Variants in LYST observed in about 807,000 individuals in gnomAD.
LYST encodes lysosomal-trafficking regulator.
Under a neutral mutation model 413.6 loss-of-function variants are expected in LYST, and 192 were observed. That is an observed-to-expected ratio of 0.46 (90% CI 0.41 to 0.52). The LOEUF is 0.52. Among genes scored for constraint, LYST ranks in the 20% least tolerant of loss-of-function variants. The pLI is 0.00. For missense variants in LYST, 3,815 were observed against 4,499.9 expected (o/e 0.85, Z 4.35); for synonymous variants, 1,525 against 1,567.3 (o/e 0.97, Z 0.64).
chr1:235,860,982 G>A (rs550892545), intron 1 of LYST, among the ~76,000 whole-genome samples: 7 of 151,444 alleles, frequency 4.6e-5, no homozygotes, highest in South Asian at 4.2e-4. Context: ...GCTTTTTTTC[G>A]TGCTGTGTAA....
At chr1:235,683,397 C>T (rs377526144) in intron 48 of LYST, among the ~76,000 whole-genome samples, 2 of 152,206 alleles carry the variant, frequency 1.3e-5, no homozygotes, top group Admixed American at 6.5e-5. Flanking sequence ...TTACTTACTT[C>T]GTGACAGAAT....
At chr1:235,697,343 C>G in intron 45 of LYST, 71 bp from the exon 46 acceptor site, 1 of 1,141,138 alleles carries the variant, frequency 8.8e-7, no homozygotes, top group Non-Finnish European at 1.3e-6. Flanking sequence ...CTAATTTAAG[C>G]TCTAAACAAA....
chr1:235,744,233 T>C, intron 29 of LYST, 76 bp from the exon 30 acceptor site: 1 of 775,900 alleles, frequency 1.3e-6, no homozygotes, highest in Non-Finnish European at 2.2e-6. Flanking sequence ...ATAATACTGG[T>C]AAAAAATATT....
At chr1:235,874,262 T>G (rs146918392) in intron 1 of LYST, among the ~76,000 whole-genome samples, 50 of 152,358 alleles carry the variant, frequency 3.3e-4, no homozygotes, top group African/African-American at 1.2e-3. Flanking sequence ...AGGATTGATC[T>G]GTTATTTCAG....
At chr1:235,804,100 T>C (rs1304471359) in intron 7 of LYST, among the ~76,000 whole-genome samples, 3 of 152,080 alleles carry the variant, frequency 2.0e-5, no homozygotes, top group African/African-American at 7.2e-5. Flanking sequence ...TTAATGTGAG[T>C]AGAGAGTTCT....
At chr1:235,668,141 G>A (rs1172079880) in intron 50 of LYST, among the ~76,000 whole-genome samples, 1 of 152,106 alleles carries the variant, frequency 6.6e-6, no homozygotes, top group African/African-American at 2.4e-5. Flanking sequence ...GAGGTTGGTT[G>A]AATCCACGGA....
intron 3 of LYST, among the ~76,000 whole-genome samples, chr1:235,818,968 C>T (rs572227114): frequency 1.3e-5 from 2 of 152,354 alleles, no homozygotes; most frequent in South Asian, 2.1e-4. Flanking sequence ...TCCTCCCACA[C>T]GAACCCAAGA....
Position 235,749,086 on chromosome 1 carries a change from T to C in LYST, c.7780+2124A>G, listed in dbSNP as rs148295905. On this transcript the variant is annotated intron_variant, in intron 28 of 52. Transcript: ENST00000389793. ...AAGGAACAATTCATTACCTAATTGA[T>C]AGACATGACAGAAATAGAAATCCCT... Among the ~76,000 whole-genome samples the C allele has an allele frequency of 9.5e-4, 145 of 152,320 alleles. 1 individual carries two copies. The highest frequency in any genetic ancestry group is 3.4e-3 in the Middle Eastern group (1 of 294).
At chr1:235,727,174 G>C (rs926795054) in intron 38 of LYST, among the ~76,000 whole-genome samples, 6 of 148,340 alleles carry the variant, frequency 4.0e-5, no homozygotes, top group Non-Finnish European at 8.9e-5. Context: ...CCAGGCTGGA[G>C]TGCAGTGGTG....
At chr1:235,879,925 C>T (rs541743557) in intron 1 of LYST, among the ~76,000 whole-genome samples, 4 of 152,164 alleles carry the variant, frequency 2.6e-5, no homozygotes, top group East Asian at 1.9e-4. Flanking sequence ...TTAGTAGAGA[C>T]GGGGTTTCAC....
Position 235,830,254 on chromosome 1 carries a change from AG to A in LYST, c.163del (p.Thr56ProfsTer3), listed in dbSNP as rs1176119758. 1.2e-6 allele frequency: 2 copies of A among 1,613,748 alleles called. No individual in the cohort carries two copies. Among genetic ancestry groups the A allele is most frequent in the Non-Finnish European group, 1.7e-6 (2 of 1,179,780 alleles). ...YLVHGRGFLL[L>X]TKLNSIIDQA... Reference sequence around the variant, plus strand: ...ATCAATTATAGAATTTAGCTTGGTAAGTAATAGAAATCCTCGACCATGGACA... The same window carrying A: ...ATCAATTATAGAATTTAGCTTGGTAATAATAGAAATCCTCGACCATGGACA... On this transcript the variant is annotated frameshift_variant, in exon 3 of 53. Coordinates refer to ENST00000389793, the MANE Select transcript of LYST (RefSeq NM_000081.4). LOFTEE classifies it high-confidence loss of function.
chr1:235,676,501 C>T (rs1659392031), intron 50 of LYST, among the ~76,000 whole-genome samples: 1 of 152,154 alleles, frequency 6.6e-6, no homozygotes, highest in African/African-American at 2.4e-5. Context: ...AAGGAAGTTC[C>T]TTCTGCTTTA....
chr1:235,715,283 G>C lies in LYST; in HGVS notation c.9702C>G (p.Gly3234=). ...PMPPVQPYHY[G]SHYSNSGTVL... is the part of the protein sequence containing the mutation. ...CAGTGCCGCTATTGGAATAGTGGGA[G>C]CCATAGTGATAGGGCTGCACGGGAG... The change falls in exon 42 of 53, where the codon GGC becomes GGG. Residue 3234 remains glycine (G), a synonymous_variant. Transcript: ENST00000389793. 6.2e-7 allele frequency: 1 copy of C among 1,613,944 alleles called. No individual in the cohort carries two copies.
Position 235,753,162 on chromosome 1 carries a change from G to C in LYST, c.7342C>G (p.Leu2448Val), listed in dbSNP as rs1191107458. Residue 2448 changes from leucine to valine, a missense_variant, in exon 26 of 53, where the codon CTT (leucine) becomes GTT (valine). Coordinates refer to ENST00000389793, the MANE Select transcript of LYST (RefSeq NM_000081.4). ...LYDNILLHNA[L>V]LLLLQILNSC... ...TTTAAAATTTGGAGAAGAAGTAAAA[G>C]AGCATTATGCAAGAGTATGTTGTCA... The C allele has an allele frequency of 1.2e-6, 2 of 1,606,872 alleles. No individual in the cohort carries two copies. Among genetic ancestry groups the C allele is most frequent in the Non-Finnish European group, 8.5e-7 (1 of 1,173,706 alleles).
chr1:235,817,215 GA>G (rs367699240), intron 3 of LYST, among the ~76,000 whole-genome samples: 30 of 146,736 alleles, frequency 2.0e-4, no homozygotes, highest in Non-Finnish European at 2.7e-4. Context: ...ATGAAAAAAA[GA>G]AAAAAAAAAC....
intron 1 of LYST, among the ~76,000 whole-genome samples, chr1:235,836,881 C>A (rs911176668): frequency 4.6e-5 from 7 of 152,132 alleles, no homozygotes; most frequent in Admixed American, 2.0e-4. Flanking sequence ...ATTAAGTAAT[C>A]AAGTAGGCAG....
In LYST at chr1:235,759,393, C is replaced by T. The variant is rs746634900; in HGVS notation, c.6460G>A (p.Asp2154Asn). Reference protein sequence around the residue: ...SKKQNSLGSSDTLKKGKEDAF... With the variant: ...SKKQNSLGSSNTLKKGKEDAF... ...TCCTCTTTGCCTTTTTTCAGTGTGT[C>T]GGAACTCCCCAAAGAATTTTGTTTC... Residue 2154 changes from aspartate to asparagine, a missense_variant, in exon 23 of 53, where the codon GAC (aspartate) becomes AAC (asparagine). Transcript: ENST00000389793. 1.1e-4 allele frequency: 174 copies of T among 1,613,962 alleles called. No individual in the cohort carries two copies. The highest frequency in any genetic ancestry group is 1.6e-4 in the Middle Eastern group (1 of 6,084).
intron 31 of LYST, chr1:235,738,413 C>T: frequency 6.2e-7 from 1 of 1,613,392 alleles, no homozygotes; most frequent in South Asian, 1.1e-5. Flanking sequence ...TGTTTCAAAT[C>T]CAGTGGATAT....
chr1:235,779,245 T>G (rs997355244), intron 16 of LYST, among the ~76,000 whole-genome samples: 4 of 152,202 alleles, frequency 2.6e-5, no homozygotes, highest in Non-Finnish European at 4.4e-5. Flanking sequence ...AACAATTTGC[T>G]CTCTAAAAAT....
Sources: allele counts gnomAD v4.1 joint callset (sites outside exome capture counted in the v4.1 genomes callset), GRCh38; gene constraint gnomAD v4.1.1; transcripts MANE v1.5; gene names NCBI Gene and HGNC (gene_info 2026-07-23, HGNC 2026-07-21).